The following SMAGP variants were observed in gnomAD, a reference collection of about 807,000 sequenced individuals.
The protein encoded by SMAGP is small cell adhesion glycoprotein.
A neutral mutation model predicts 10.1 loss-of-function variants in SMAGP; 7 were observed. The observed-to-expected ratio is 0.70, with a 90% CI of 0.40 to 1.31. The LOEUF is 1.31. Among genes scored for constraint, SMAGP ranks in the 50% most tolerant of loss-of-function variants. The pLI, the probability that SMAGP is intolerant of heterozygous loss-of-function variation, is 0.01. For synonymous variants in SMAGP, 49 were observed against 47.2 expected (o/e 1.04, Z -0.16); for missense variants, 113 against 116.5 (o/e 0.97, Z 0.14).
Position 51,264,023 on chromosome 12 carries a change from C to A in SMAGP, c.34+5222G>T, listed in dbSNP as rs201314968. Reference sequence around the variant, plus strand: ...AATATTTTTTTAAGTGAAGGAGGAGCCCACAAAGACAGAAGTGCCCAGGGC... The same window carrying A: ...AATATTTTTTTAAGTGAAGGAGGAGACCACAAAGACAGAAGTGCCCAGGGC... On this transcript the variant is annotated intron_variant, in intron 2 of 3. Coordinates refer to ENST00000603798, the MANE Select transcript of SMAGP (RefSeq NM_001031628.2). Among the ~76,000 whole-genome samples the A allele has an allele frequency of 9.9e-5, 15 of 151,852 alleles. No individual in the cohort carries two copies. In the East Asian group the frequency reaches 2.7e-3, roughly 27 times the overall value.
intron 2 of SMAGP, among the ~76,000 whole-genome samples, chr12:51,248,705 C>T (rs972153201): frequency 1.4e-4 from 21 of 152,004 alleles, no homozygotes; most frequent in African/African-American, 4.8e-4. Context: ...GGAATGCTGA[C>T]ATCATGAAGC....
intron 2 of SMAGP, among the ~76,000 whole-genome samples, chr12:51,268,652 C>T (rs1389936360): frequency 1.5e-5 from 2 of 136,752 alleles, no homozygotes; most frequent in Admixed American, 7.8e-5. Flanking sequence ...TGCAATGGCA[C>T]GATCTCGGCT....
Position 51,252,239 on chromosome 12 carries a change from G to GC in SMAGP, c.35-5409dup, listed in dbSNP as rs1944845918. ...CTCCCGAGTAGCTGGGACTACAGGC[G>GC]CATGTCACCACGCCCGGCTAATTTT... On this transcript the variant is annotated intron_variant, in intron 2 of 3. Coordinates refer to ENST00000603798, the MANE Select transcript of SMAGP (RefSeq NM_001031628.2). Among the ~76,000 whole-genome samples, 4 of 142,344 alleles carry GC rather than the reference G, an allele frequency of 2.8e-5. No individual in the cohort carries two copies. In the Admixed American group the frequency reaches 2.8e-4, roughly 10 times the overall value. 93.4% of individuals were successfully genotyped at this position (142,344 alleles called of 152,430 possible).
chr12:51,259,720 CT>C (rs1030551555), intron 2 of SMAGP, among the ~76,000 whole-genome samples: 3 of 152,184 alleles, frequency 2.0e-5, no homozygotes, highest in African/African-American at 4.8e-5. Context: ...TAATTTTCTT[CT>C]TTTTTTCTTA....
chr12:51,245,929 G>A lies in SMAGP; in HGVS notation c.*12C>T. ...TGGAGCCAGGAATAAGCTCCTTGGG[G>A]CCTGGGAGTCATTAGATGAAATATT... is the stretch of plus-strand genomic sequence containing the variant. On this transcript the variant is annotated 3_prime_UTR_variant, in exon 4 of 4. Transcript: ENST00000603798. The A allele has an allele frequency of 6.2e-7, 1 of 1,610,254 alleles. No individual in the cohort carries two copies. Among genetic ancestry groups the A allele is most frequent in the Non-Finnish European group, 8.5e-7 (1 of 1,177,556 alleles).
At chr12:51,261,470 A>G (rs1281597570) in intron 2 of SMAGP, among the ~76,000 whole-genome samples, 3 of 152,150 alleles carry the variant, frequency 2.0e-5, no homozygotes, top group Non-Finnish European at 2.9e-5. Flanking sequence ...CCCAGAGAAA[A>G]AAAAGGGAGC....
intron 2 of SMAGP, among the ~76,000 whole-genome samples, chr12:51,266,081 C>CAA (rs947562933): frequency 7.4e-6 from 1 of 134,244 alleles, no homozygotes; most frequent in Non-Finnish European, 1.6e-5. Flanking sequence ...GACTCCGTCT[C>CAA]AAAAAAAAAA....
rs59561227 is a variant in SMAGP at position 51,246,604 on chromosome 12, C to CTGTGTGTGTGTGTG, written c.115+133_115+146dup. On this transcript the variant is annotated intron_variant, in intron 3 of 3. Transcript: ENST00000603798. ...ACAGAAGCCTCCGAGTCTTTTATGG[C>CTGTGTGTGTGTGTG]TGTGTGTGTGTGTGTGTGTGTGTGT... 756 of 338,178 alleles carry CTGTGTGTGTGTGTG rather than the reference C, an allele frequency of 2.2e-3. 6 individuals carry two copies. Among genetic ancestry groups the CTGTGTGTGTGTGTG allele is most frequent in the African/African-American group, 0.011 (457 of 43,048 alleles). 20.9% of individuals were successfully genotyped at this position (338,178 alleles called of 1,614,324 possible).
At chr12:51,269,110 C>G in intron 2 of SMAGP, 135 bp downstream of exon 2, 5 of 915,312 alleles carry the variant, frequency 5.5e-6, no homozygotes, top group Non-Finnish European at 8.8e-6. Context: ...CTGCTTCCTC[C>G]CAGGCCCTTC....
intron 2 of SMAGP, among the ~76,000 whole-genome samples, chr12:51,248,925 AAAAAAAT>A (rs1944810820): frequency 1.4e-5 from 2 of 141,624 alleles, no homozygotes; most frequent in Admixed American, 7.1e-5. Context: ...AAAAAAAAAA[AAAAAAAT>A]AGCCAAGTAT....
rs563180664 is a variant in SMAGP at position 51,269,617 on chromosome 12, G to A, written c.-38-301C>T. 2.1e-5 allele frequency: 5 copies of A among 239,434 alleles called. No individual in the cohort carries two copies. The East Asian group carries it at 2.7e-4, about 13-fold the overall frequency. The allele number at this position is 239,434 out of a possible 1,614,324, so 14.8% of individuals were successfully genotyped here. On this transcript the variant is annotated intron_variant, in intron 1 of 3. Coordinates refer to ENST00000603798, the MANE Select transcript of SMAGP (RefSeq NM_001031628.2). Reference sequence around the variant, plus strand: ...TCAAGGCCTGAGAAAGTCAGGCAAAGGTTCGCAAATCAGCAGCGAACCCAG... The same window carrying A: ...TCAAGGCCTGAGAAAGTCAGGCAAAAGTTCGCAAATCAGCAGCGAACCCAG...
intron 2 of SMAGP, among the ~76,000 whole-genome samples, chr12:51,256,660 C>T (rs988145139): frequency 3.3e-5 from 5 of 151,726 alleles, no homozygotes; most frequent in Non-Finnish European, 7.4e-5. Flanking sequence ...GCGGAGGTTG[C>T]GGCGAGCTGA....
In SMAGP at chr12:51,246,135, G is replaced by A. The variant is rs1944767152; in HGVS notation, c.116-16C>T. On this transcript the variant is annotated splice_polypyrimidine_tract_variant and intron_variant, in intron 3 of 3. Transcript: ENST00000603798. ...GTGATAACAACTTGGAAAGGAGAGG[G>A]AAAATGTAGAGATGTTTCAGGATTG... The A allele has an allele frequency of 6.2e-7, 1 of 1,613,282 alleles. No individual in the cohort carries two copies. Among genetic ancestry groups the A allele is most frequent in the Non-Finnish European group, 8.5e-7 (1 of 1,179,466 alleles).
chr12:51,249,931 C>T (rs1944820344), intron 2 of SMAGP, among the ~76,000 whole-genome samples: 1 of 151,972 alleles, frequency 6.6e-6, no homozygotes, highest in African/African-American at 2.4e-5. Flanking sequence ...CATATGGATT[C>T]ATTCATCCAT....
intron 2 of SMAGP, 84 bp downstream of exon 2, chr12:51,269,161 T>G: frequency 6.6e-7 from 1 of 1,518,730 alleles, no homozygotes; most frequent in Non-Finnish European, 9.1e-7. Flanking sequence ...TCTTCCCACC[T>G]GGGCTGAGGC....
At chr12:51,264,422 G>A (rs1229898027) in intron 2 of SMAGP, among the ~76,000 whole-genome samples, 2 of 152,092 alleles carry the variant, frequency 1.3e-5, no homozygotes, top group South Asian at 2.1e-4. Flanking sequence ...GCTTCAGGCC[G>A]GGAGAGTTGC....
intron 2 of SMAGP, among the ~76,000 whole-genome samples, chr12:51,257,766 A>G (rs1944899040): frequency 6.6e-6 from 1 of 152,030 alleles, no homozygotes; most frequent in African/African-American, 2.4e-5. Flanking sequence ...GCTGGTCTCG[A>G]ACTCCTGACC....
intron 2 of SMAGP, among the ~76,000 whole-genome samples, chr12:51,248,456 T>A (rs1202392794): frequency 1.5e-4 from 23 of 150,856 alleles, no homozygotes; most frequent in African/African-American, 5.6e-4. Flanking sequence ...TCTCTCTCTC[T>A]CTCTCTCTCT....
intron 1 of SMAGP, 128 bp downstream of exon 1, chr12:51,270,128 G>A (rs1945017168): frequency 1.3e-5 from 2 of 152,124 alleles, no homozygotes; most frequent in Admixed American, 1.3e-4. Context: ...CAGCCGCCGC[G>A]ACCCTCTGCC....
Sources: gnomAD v4.1 joint callset for allele counts (sites outside exome capture counted in the v4.1 genomes callset) on GRCh38, gnomAD v4.1.1 for gene constraint, MANE v1.5 for transcripts, NCBI Gene and HGNC (gene_info 2026-07-23, HGNC 2026-07-21) for gene names.